The following ST14 variants were observed in gnomAD, a reference collection of about 807,000 sequenced individuals.
ST14 encodes ST14 transmembrane serine protease matriptase.
In ST14, 40 loss-of-function variants were observed where a neutral mutation model predicts 96.5. The ratio of observed to expected loss-of-function variants is 0.41; its 90% confidence interval spans 0.32 to 0.54. ST14 has a LOEUF of 0.54. Ranked by LOEUF, ST14 falls within the 20% of genes least tolerant of loss-of-function variation. ST14 has a pLI of 0.17. For missense variants in ST14, 1,066 were observed against 1,188.9 expected (o/e 0.90, Z 1.52); for synonymous variants, 506 against 492.1 (o/e 1.03, Z -0.37).
intron 1 of ST14, among the ~76,000 whole-genome samples, chr11:130,176,706 C>T (rs953310057): frequency 9.3e-5 from 14 of 150,470 alleles, no homozygotes; most frequent in African/African-American, 3.4e-4. Flanking sequence ...CTTAAAATTC[C>T]TTGAGCTGGC....
chr11:130,189,633 A>G (rs111747217), intron 4 of ST14, 106 bp from the exon 5 acceptor site: 69,792 of 1,462,022 alleles, frequency 0.048, 1,889 homozygotes, highest in African/African-American at 0.085. Flanking sequence ...TGCAGATGGC[A>G]GGCCCAGGTG....
At position 130,209,756 on chromosome 11, in the gene ST14, A is replaced by G. The variant is rs757117480; in HGVS notation, c.2501A>G (p.Asn834Ser). 1 of 1,613,968 alleles carries G rather than the reference A, an allele frequency of 6.2e-7. No individual in the cohort carries two copies. The highest frequency in any genetic ancestry group is 8.5e-7 in the Non-Finnish European group (1 of 1,180,010). Reference protein sequence around the residue: ...VSWGDGCAQRNKPGVYTRLPL... With the variant: ...VSWGDGCAQRSKPGVYTRLPL... ...TGGGGAGACGGCTGCGCTCAGAGGA[A>G]CAAGCCAGGCGTGTACACAAGGCTC... The change falls in exon 19 of 19, where the codon AAC becomes AGC. Residue 834 changes from asparagine to serine, a missense_variant. Physicochemically the swap from Asn to Ser is conservative, Grantham distance 46. Transcript: ENST00000278742.
chr11:130,208,684 G>T lies in ST14; in HGVS notation c.2269G>T (p.Gly757Cys). The change falls in exon 17 of 19, where the codon GGC becomes TGC. Residue 757 changes from glycine to cysteine, a missense_variant and splice_region_variant. Coordinates refer to ENST00000278742, the MANE Select transcript of ST14 (RefSeq NM_021978.4). ...VTGWGHTQYGGTGALILQKGE... is the reference protein window; with the variant it reads ...VTGWGHTQYGCTGALILQKGE... ...GGGCTGGGGACACACCCAGTATGGA[G>T]GTAAGCTTCGGGCTGACCTAGGGCT... The T allele has an allele frequency of 6.2e-7, 1 of 1,612,400 alleles. No individual in the cohort carries two copies. The highest frequency in any genetic ancestry group is 8.5e-7 in the Non-Finnish European group (1 of 1,179,062).
chr11:130,172,517 A>T (rs930173836), intron 1 of ST14, among the ~76,000 whole-genome samples: 3 of 145,214 alleles, frequency 2.1e-5, no homozygotes, highest in South Asian at 2.1e-4. Flanking sequence ...TCCCAGGTTC[A>T]CGCCTTTCTC....
At chr11:130,194,844 A>G (rs1157769228) in intron 9 of ST14, 107 bp downstream of exon 9, 13 of 882,718 alleles carry the variant, frequency 1.5e-5, no homozygotes, top group Non-Finnish European at 2.2e-5. Context: ...GTGTTTGCAT[A>G]TGTGTGCATG....
At chr11:130,169,843 AAAG>A (rs1382212976) in intron 1 of ST14, among the ~76,000 whole-genome samples, 1 of 152,202 alleles carries the variant, frequency 6.6e-6, no homozygotes, top group African/African-American at 2.4e-5. Flanking sequence ...AAACGAATGA[AAAG>A]AAGTTACTAG....
chr11:130,202,320 C>T (rs1453740622), intron 16 of ST14, among the ~76,000 whole-genome samples: 1 of 152,176 alleles, frequency 6.6e-6, no homozygotes, highest in Non-Finnish European at 1.5e-5. Context: ...ACTAGAGAGA[C>T]CAACATGAAT....
chr11:130,193,489 T>TC (rs1487341899), intron 7 of ST14, among the ~76,000 whole-genome samples: 1 of 151,820 alleles, frequency 6.6e-6, no homozygotes, highest in East Asian at 1.9e-4. Flanking sequence ...TTTTTTTTTT[T>TC]CTGACAGTCT....
intron 7 of ST14, among the ~76,000 whole-genome samples, chr11:130,193,558 C>T (rs1200846005): frequency 1.3e-5 from 2 of 151,964 alleles, no homozygotes; most frequent in African/African-American, 2.4e-5. Context: ...CAACCTCCGC[C>T]TCCCGGGTTC....
chr11:130,176,327 G>A (rs750284315), intron 1 of ST14, among the ~76,000 whole-genome samples: 5 of 151,696 alleles, frequency 3.3e-5, no homozygotes, highest in Non-Finnish European at 5.9e-5. Context: ...TTGGTCCCAG[G>A]GGTTCCTCCT....
rs1042375907 is a variant in ST14, at chr11:130,209,950, A to G, written c.*127A>G. The G allele has an allele frequency of 2.3e-5, 27 of 1,168,838 alleles. No homozygotes were observed. Among genetic ancestry groups the G allele is most frequent in the Non-Finnish European group, 3.2e-5 (27 of 833,214 alleles). The allele number at this position is 1,168,838 out of a possible 1,614,324, so 72.4% of individuals were successfully genotyped here. A position where few individuals can be genotyped will look rare whatever the true frequency, so the allele number is the denominator to read the frequency against. On this transcript the variant is annotated 3_prime_UTR_variant, in exon 19 of 19. Coordinates refer to ENST00000278742, the MANE Select transcript of ST14 (RefSeq NM_021978.4). ...CCCCCAGAACATACACTGTGAACTCAATCTCCAGGGCTCCAAATCTGCCTA... is the reference window on the plus strand; with the variant it reads ...CCCCCAGAACATACACTGTGAACTCGATCTCCAGGGCTCCAAATCTGCCTA...
At chr11:130,209,353 T>C (rs1340522806) in intron 17 of ST14, 89 bp from the exon 18 acceptor site, 1 of 1,525,162 alleles carries the variant, frequency 6.6e-7, no homozygotes, top group African/African-American at 1.4e-5. Flanking sequence ...GTTCCAGAGT[T>C]TTCTAGTCCA....
Position 130,188,106 on chromosome 11 carries a change from C to G in ST14, c.82-8C>G. The G allele has an allele frequency of 6.2e-7, 1 of 1,614,046 alleles. No homozygotes were observed. The highest frequency in any genetic ancestry group is 8.5e-7 in the Non-Finnish European group (1 of 1,179,990). ...AGGGTCTGAGTGGTGGCGCCTCTCT[C>G]CCTGCAGAAAGTGAATGGCTTGGAG... On this transcript the variant is annotated splice_region_variant and splice_polypyrimidine_tract_variant and intron_variant, in intron 1 of 18. Transcript: ENST00000278742. The surrounding 1 kb of genome is among the most constrained non-coding windows in gnomAD (Gnocchi z 5.4).
At chr11:130,198,440 C>T in intron 13 of ST14, 22 bp downstream of exon 13, 1 of 1,613,386 alleles carries the variant, frequency 6.2e-7, no homozygotes. Flanking sequence ...GGAGGGGCTG[C>T]CTGGGCGGGC....
intron 1 of ST14, among the ~76,000 whole-genome samples, chr11:130,182,795 G>T (rs1413127217): frequency 6.6e-6 from 1 of 151,080 alleles, no homozygotes; most frequent in Non-Finnish European, 1.5e-5. Context: ...GATAACAGGT[G>T]TCCGCCACCA....
intron 1 of ST14, among the ~76,000 whole-genome samples, chr11:130,163,479 G>A (rs1953014724): frequency 6.6e-6 from 1 of 152,154 alleles, no homozygotes; most frequent in Non-Finnish European, 1.5e-5. Flanking sequence ...AAACTCTTGG[G>A]CCCAGGTGAT....
At chr11:130,192,735 TG>T (rs755176327) in intron 7 of ST14, among the ~76,000 whole-genome samples, 35 of 152,246 alleles carry the variant, frequency 2.3e-4, no homozygotes, top group Non-Finnish European at 4.1e-4. Context: ...GCTGTGTGTG[TG>T]TTAAGAAATA....
At chr11:130,163,140 G>A (rs1335465301) in intron 1 of ST14, among the ~76,000 whole-genome samples, 5 of 152,060 alleles carry the variant, frequency 3.3e-5, no homozygotes, top group South Asian at 2.1e-4. Flanking sequence ...TCAGTAGGTC[G>A]CCTGTCGAGA....
rs1298790731 is a variant in ST14 at position 130,200,007 on chromosome 11, G to A, written c.1864G>A (p.Asp622Asn). The A allele has an allele frequency of 2.5e-6, 4 of 1,614,008 alleles. No individual in the cohort carries two copies. The highest frequency in any genetic ancestry group is 3.4e-6 in the Non-Finnish European group (4 of 1,180,000). ...QARVVGGTDA[D>N]EGEWPWQVSL... The stretch of plus-strand genomic sequence containing the variant: ...TCGTGTTGTTGGGGGCACGGATGCG[G>A]ATGAGGGCGAGTGGCCCTGGCAGGT... The change falls in exon 16 of 19, where the codon GAT (aspartate) becomes AAT (asparagine). Residue 622 changes from aspartate (D) to asparagine (N), a missense_variant. Coordinates refer to ENST00000278742, the MANE Select transcript of ST14 (RefSeq NM_021978.4).
Sources: gnomAD v4.1 joint callset for allele counts (sites outside exome capture counted in the v4.1 genomes callset) on GRCh38, gnomAD v4.1.1 for gene constraint, Gnocchi (gnomAD v3.1) non-coding constraint, MANE v1.5 for transcripts, NCBI Gene and HGNC (gene_info 2026-07-23, HGNC 2026-07-21) for gene names.